BRAF: variants seen among roughly 807,000 people sequenced by gnomAD.
BRAF encodes serine/threonine-protein kinase B-raf.
A neutral mutation model predicts 104.6 loss-of-function variants in BRAF; 16 were observed. That is an observed-to-expected ratio of 0.15 (90% CI 0.10 to 0.23). The LOEUF (loss-of-function observed/expected upper bound fraction) is 0.23. Ranked by LOEUF, BRAF falls within the 10% of genes least tolerant of loss-of-function variation. The probability of loss-of-function intolerance (pLI) is 1.00; values close to 1 mark genes in which losing one functional copy is unlikely to be tolerated. For missense variants in BRAF, 541 were observed against 937.3 expected, an observed-to-expected ratio of 0.58 and a Z score of 5.52; for synonymous variants, 310 against 341.6, an observed-to-expected ratio of 0.91 and a Z score of 1.02.
intron 19 of BRAF, chr7:140,733,474 G>A (rs1423359979): frequency 2.6e-5 from 4 of 152,160 alleles, no homozygotes; most frequent in African/African-American, 9.7e-5. Flanking sequence ...CTGAATCACA[G>A]TAAGAATACA....
chr7:140,732,246 G>A (rs1436095356), intron 19 of BRAF: 1 of 135,180 alleles, frequency 7.4e-6, no homozygotes, highest in Admixed American at 7.5e-5. Flanking sequence ...AAAAAAAGAG[G>A]GCTCAGGTTT....
At chr7:140,716,406 T>A (rs181005192), downstream of BRAF, among the ~76,000 whole-genome samples, 8 of 152,334 alleles carry the variant, frequency 5.3e-5, no homozygotes, top group East Asian at 3.9e-4. Context: ...CTGGCCTGAA[T>A]GAAATACTCT....
chr7:140,881,920 AC>A (rs1290010384), intron 1 of BRAF, among the ~76,000 whole-genome samples: 7 of 152,202 alleles, frequency 4.6e-5, no homozygotes, highest in African/African-American at 1.7e-4. Context: ...CAAAACAATT[AC>A]AATAGTAACA....
chr7:140,864,058 T>C (rs1810684766), intron 1 of BRAF, among the ~76,000 whole-genome samples: 1 of 152,236 alleles, frequency 6.6e-6, no homozygotes, highest in Non-Finnish European at 1.5e-5. Flanking sequence ...GAGCAGTATA[T>C]ATTATAGTAC....
At chr7:140,747,400 T>C (rs183295872) in intron 17 of BRAF, 4 of 1,286,242 alleles carry the variant, frequency 3.1e-6, no homozygotes, top group African/African-American at 3.0e-5. Flanking sequence ...TCATGGAGAG[T>C]AAGCCCTTGC....
At position 140,815,321 on chromosome 7, in the gene BRAF, A is replaced by T. The variant is rs184143896; in HGVS notation, c.505-6326T>A. 1.6e-3 allele frequency among the ~76,000 whole-genome samples: 233 copies of T among 147,756 alleles called. 1 individual carries two copies. Among genetic ancestry groups the T allele is most frequent in the Non-Finnish European group, 2.5e-3 (166 of 67,096 alleles). On this transcript the variant is annotated intron_variant, in intron 3 of 19. Transcript: ENST00000644969. ...CCTGGCTAATTTTGTTTTTTTTTGTATTTTTAGTAGAGACGGGGTTTCTCC... is the reference window on the plus strand; with the variant it reads ...CCTGGCTAATTTTGTTTTTTTTTGTTTTTTTAGTAGAGACGGGGTTTCTCC...
chr7:140,903,314 G>C (rs1214046953), intron 1 of BRAF, among the ~76,000 whole-genome samples: 2 of 152,140 alleles, frequency 1.3e-5, no homozygotes, highest in Non-Finnish European at 2.9e-5. Context: ...AAATCCTAGG[G>C]CCTTTGGAAT....
chr7:140,841,428 A>C (rs1008969266), intron 2 of BRAF, among the ~76,000 whole-genome samples: 16 of 152,204 alleles, frequency 1.1e-4, no homozygotes, highest in African/African-American at 3.4e-4. Flanking sequence ...TCTACACAAA[A>C]ACTTGCACGT....
At chr7:140,761,762 T>G (rs1382701234) in intron 14 of BRAF, among the ~76,000 whole-genome samples, 1 of 152,092 alleles carries the variant, frequency 6.6e-6, no homozygotes, top group South Asian at 2.1e-4. Context: ...AAACAGACTT[T>G]AAACCAACAA....
rs138364824 is a variant in BRAF, at chr7:140,875,093, A to G, written c.139-24881T>C. On this transcript the variant is annotated intron_variant, in intron 1 of 19. Transcript: ENST00000644969. ...CCAACTGAATCTCTGTTCTTTATAAATTACCTAGTCTCAGGCATTTCTTTA... is the reference window on the plus strand; with the variant it reads ...CCAACTGAATCTCTGTTCTTTATAAGTTACCTAGTCTCAGGCATTTCTTTA... Among the ~76,000 whole-genome samples, 1,164 of 152,290 alleles carry G rather than the reference A, an allele frequency of 7.6e-3. 18 individuals are homozygous for G. The highest frequency in any genetic ancestry group is 0.026 in the African/African-American group (1,100 of 41,542).
chr7:140,818,616 C>A (rs997029497), intron 3 of BRAF, among the ~76,000 whole-genome samples: 16 of 152,072 alleles, frequency 1.1e-4, no homozygotes, highest in African/African-American at 7.2e-5. Context: ...CCAGCACCGG[C>A]CAAGTGTTTT....
At chr7:140,919,167 T>A (rs1489874823) in intron 1 of BRAF, among the ~76,000 whole-genome samples, 6 of 148,086 alleles carry the variant, frequency 4.1e-5, no homozygotes, top group Admixed American at 2.7e-4. Context: ...AAAAAAAAAA[T>A]TATTATTTAC....
chr7:140,827,743 T>C (rs1425611912), intron 3 of BRAF, among the ~76,000 whole-genome samples: 1 of 152,096 alleles, frequency 6.6e-6, no homozygotes, highest in African/African-American at 2.4e-5. Context: ...TCAGCAAACT[T>C]CTTCCATAAA....
chr7:140,794,500 C>CA, intron 7 of BRAF, 33 bp from the exon 8 acceptor site: 1 of 1,603,200 alleles, frequency 6.2e-7, no homozygotes, highest in Non-Finnish European at 8.5e-7. Context: ...AGATAAGATT[C>CA]AGAGTAACGA....
At chr7:140,771,727 A>G (rs1337636751) in intron 14 of BRAF, among the ~76,000 whole-genome samples, 1 of 149,886 alleles carries the variant, frequency 6.7e-6, no homozygotes, top group Admixed American at 6.6e-5. Context: ...TTGTCTAGCT[A>G]TAGACTATAT....
chr7:140,723,800 T>C lies in BRAF; in HGVS notation c.*2694A>G. On this transcript the variant is annotated 3_prime_UTR_variant, in exon 20 of 20. Transcript: ENST00000644969. ...CAAGATGATCAGTGACGCAGCCACATACTGTCTATACAATTACTCATAAAG... is the reference window on the plus strand; with the variant it reads ...CAAGATGATCAGTGACGCAGCCACACACTGTCTATACAATTACTCATAAAG... 1 of 1,047,424 alleles carries C rather than the reference T, an allele frequency of 9.5e-7. No individual in the cohort carries two copies. Among genetic ancestry groups the C allele is most frequent in the Non-Finnish European group, 1.2e-6 (1 of 868,024 alleles). The allele number at this position is 1,047,424 out of a possible 1,614,324, so 64.9% of individuals were successfully genotyped here.
At chr7:140,878,886 T>C (rs1457880277) in intron 1 of BRAF, among the ~76,000 whole-genome samples, 2 of 152,088 alleles carry the variant, frequency 1.3e-5, no homozygotes, top group Non-Finnish European at 2.9e-5. Flanking sequence ...CATTTTTTTT[T>C]CCTTTGAGAC....
In BRAF at chr7:140,877,492, C is replaced by A. The variant is rs144219680; in HGVS notation, c.139-27280G>T. On this transcript the variant is annotated intron_variant, in intron 1 of 19. Transcript: ENST00000644969. Reference sequence around the variant, plus strand: ...AAGAAACTTGAAGAACTAAATAAACCTAAAGAAAGCAACACAAAAATAATA... The same window carrying A: ...AAGAAACTTGAAGAACTAAATAAACATAAAGAAAGCAACACAAAAATAATA... Among the ~76,000 whole-genome samples, 26 of 151,690 alleles carry A rather than the reference C, an allele frequency of 1.7e-4. 1 individual carries two copies.
At chr7:140,805,936 A>C (rs1586230391) in intron 5 of BRAF, among the ~76,000 whole-genome samples, 1 of 152,266 alleles carries the variant, frequency 6.6e-6, no homozygotes, top group East Asian at 1.9e-4. Context: ...CACAAATCTA[A>C]TCACATTTCT....
Sources: allele counts gnomAD v4.1 joint callset (sites outside exome capture counted in the v4.1 genomes callset), GRCh38; gene constraint gnomAD v4.1.1; transcripts MANE v1.5; gene names NCBI Gene and HGNC (gene_info 2026-07-23, HGNC 2026-07-21).